SPEF2: variants seen among roughly 807,000 people sequenced by gnomAD.
The protein encoded by SPEF2 is sperm flagellar and cilia associated 2.
A neutral mutation model predicts 224.6 loss-of-function variants in SPEF2; 187 were observed. The observed-to-expected ratio is 0.83, with a 90% CI of 0.74 to 0.94. The LOEUF (loss-of-function observed/expected upper bound fraction) is 0.94. Among genes scored for constraint, SPEF2 ranks in the 40% least tolerant of loss-of-function variants. The probability of loss-of-function intolerance (pLI) is 0.00; values close to 1 mark genes in which losing one functional copy is unlikely to be tolerated. For synonymous variants in SPEF2, 715 were observed against 707.3 expected (o/e 1.01, Z -0.17); for missense variants, 2,170 against 2,135.6 (o/e 1.02, Z -0.32).
At chr5:35,743,959 T>A (rs1561294529) in intron 23 of SPEF2, among the ~76,000 whole-genome samples, 1 of 152,194 alleles carries the variant, frequency 6.6e-6, no homozygotes, top group Non-Finnish European at 1.5e-5. Flanking sequence ...GAAGCCAACA[T>A]AGTAAGCAGT....
intron 23 of SPEF2, 78 bp from the exon 24 acceptor site, chr5:35,753,546 G>A: frequency 6.3e-7 from 1 of 1,591,202 alleles, no homozygotes; most frequent in Non-Finnish European, 8.6e-7. Flanking sequence ...GAGAGGCAAA[G>A]GATTTTAGTT....
rs1217495359 is a variant in SPEF2 at position 35,793,312 on chromosome 5, G to T, written c.4708G>T (p.Gly1570Cys). The change falls in exon 32 of 37, where the codon GGC (glycine) becomes TGC (cysteine). Residue 1570 changes from glycine to cysteine, a missense_variant. Transcript: ENST00000356031. The part of the protein sequence containing the change: ...KFKAVDKEQL[G>C]TITFEQYMQA... ...CAAGGCTGTGGATAAGGAGCAGTTG[G>T]GCACCATCACTTTTGAGCAGTATAT... The T allele has an allele frequency of 1.2e-6, 2 of 1,613,718 alleles. No homozygotes were observed. Among genetic ancestry groups the T allele is most frequent in the South Asian group, 1.1e-5 (1 of 90,996 alleles).
At chr5:35,771,788 A>T (rs185189864) in intron 27 of SPEF2, 32 bp downstream of exon 27, 4 of 1,570,412 alleles carry the variant, frequency 2.5e-6, no homozygotes, top group African/African-American at 1.4e-5. Flanking sequence ...AGAACCCTGG[A>T]TGCCTAAACC....
At chr5:35,650,409 A>G (rs1237395674) in intron 6 of SPEF2, among the ~76,000 whole-genome samples, 2 of 152,128 alleles carry the variant, frequency 1.3e-5, no homozygotes, top group Non-Finnish European at 2.9e-5. Context: ...TGCAGCCACC[A>G]CTTGAACCCT....
intron 1 of SPEF2, among the ~76,000 whole-genome samples, chr5:35,625,019 C>T (rs1394663155): frequency 1.3e-5 from 2 of 152,064 alleles, no homozygotes; most frequent in African/African-American, 4.8e-5. Flanking sequence ...GTCTAATTTC[C>T]TATATGTATT....
chr5:35,765,543 C>T (rs1391006118), intron 26 of SPEF2, among the ~76,000 whole-genome samples: 5 of 152,166 alleles, frequency 3.3e-5, no homozygotes, highest in African/African-American at 1.2e-4. Context: ...CACCGTTTCA[C>T]CGCACTATCA....
intron 16 of SPEF2, among the ~76,000 whole-genome samples, chr5:35,701,071 G>A (rs73084316): frequency 0.027 from 4,146 of 152,174 alleles, 94 homozygotes; most frequent in South Asian, 0.055. Context: ...GCTGTCTAGC[G>A]TGTTTTCGTG....
intron 21 of SPEF2, among the ~76,000 whole-genome samples, chr5:35,734,718 T>C (rs918265566): frequency 6.9e-6 from 1 of 145,908 alleles, no homozygotes; most frequent in Non-Finnish European, 1.5e-5. Context: ...TCTTTTTTTT[T>C]TTTTTTTTTT....
intron 2 of SPEF2, among the ~76,000 whole-genome samples, chr5:35,630,210 C>T (rs1240172457): frequency 6.6e-6 from 1 of 152,046 alleles, no homozygotes; most frequent in Admixed American, 6.6e-5. Context: ...GTGGCTTTTC[C>T]AGGTGCATGG....
intron 10 of SPEF2, chr5:35,671,361 G>T (rs1751198353): frequency 1.0e-6 from 1 of 958,502 alleles, no homozygotes; most frequent in Non-Finnish European, 1.2e-6. Context: ...TTAATTAAAT[G>T]AATCTGTATT....
intron 21 of SPEF2, among the ~76,000 whole-genome samples, chr5:35,728,924 G>T (rs778155888): frequency 6.6e-6 from 1 of 151,982 alleles, no homozygotes; most frequent in Non-Finnish European, 1.5e-5. Flanking sequence ...AGATATAGAA[G>T]TGGGTGTTAG....
At chr5:35,792,668 A>G (rs1327238892) in intron 31 of SPEF2, among the ~76,000 whole-genome samples, 2 of 152,258 alleles carry the variant, frequency 1.3e-5, no homozygotes, top group Non-Finnish European at 2.9e-5. Context: ...GAAATATTAT[A>G]GAGACTGTGA....
chr5:35,752,838 G>A (rs1458505119), intron 23 of SPEF2, among the ~76,000 whole-genome samples: 1 of 151,558 alleles, frequency 6.6e-6, no homozygotes, highest in Non-Finnish European at 1.5e-5. Flanking sequence ...CATTAAATGA[G>A]CCAATACAAG....
At chr5:35,796,706 A>T (rs560949272) in intron 33 of SPEF2, among the ~76,000 whole-genome samples, 1 of 152,356 alleles carries the variant, frequency 6.6e-6, no homozygotes, top group African/African-American at 2.4e-5. Context: ...TGTATAATGT[A>T]TAGATTGTTC....
chr5:35,805,977 C>T (rs748022266), intron 34 of SPEF2, among the ~76,000 whole-genome samples: 8 of 152,062 alleles, frequency 5.3e-5, no homozygotes, highest in Non-Finnish European at 1.0e-4. Context: ...TCTATTTTTG[C>T]TGTAACACTG....
intron 29 of SPEF2, among the ~76,000 whole-genome samples, chr5:35,778,903 A>T (rs73086300): frequency 6.6e-6 from 1 of 152,198 alleles, no homozygotes; most frequent in African/African-American, 2.4e-5. Context: ...GTAGCTGTTT[A>T]ATAAGCATGC....
At chr5:35,697,016 T>C (rs1173230887) in intron 14 of SPEF2, among the ~76,000 whole-genome samples, 1 of 152,054 alleles carries the variant, frequency 6.6e-6, no homozygotes, top group Middle Eastern at 3.2e-3. Context: ...ATCAGGTCAG[T>C]CAGGGCCTCA....
chr5:35,659,753 T>G (rs1260830607), intron 8 of SPEF2, among the ~76,000 whole-genome samples: 1 of 152,180 alleles, frequency 6.6e-6, no homozygotes, highest in Non-Finnish European at 1.5e-5. Context: ...TACTTTTTTT[T>G]TCTTTAAAAG....
Position 35,793,254 on chromosome 5 carries a change from G to T in SPEF2, c.4650G>T (p.Leu1550Phe), listed in dbSNP as rs1370967418. The T allele has an allele frequency of 6.2e-7, 1 of 1,614,180 alleles. No individual in the cohort carries two copies. Among genetic ancestry groups the T allele is most frequent in the Non-Finnish European group, 8.5e-7 (1 of 1,180,014 alleles). ...CCTCAATGCCTTGGCCCATTCCCTT[G>T]GAGGAGGAGCTCCTTGAGACCCTTC... Reference protein sequence around the residue: ...LVTSMPWPIPLEEELLETLQK... With the variant: ...LVTSMPWPIPFEEELLETLQK... Residue 1550 changes from leucine to phenylalanine, a missense_variant, in exon 32 of 37, where the codon TTG (leucine) becomes TTT (phenylalanine). By Grantham distance (22) the Leu-to-Phe change is conservative (BLOSUM62 0). Coordinates refer to ENST00000356031, the MANE Select transcript of SPEF2 (RefSeq NM_024867.4).
Sources: gnomAD v4.1 joint callset for allele counts (sites outside exome capture counted in the v4.1 genomes callset) on GRCh38, gnomAD v4.1.1 for gene constraint, MANE v1.5 for transcripts, NCBI Gene and HGNC (gene_info 2026-07-23, HGNC 2026-07-21) for gene names.